LARP1B: variants seen among roughly 807,000 people sequenced by gnomAD.
The protein encoded by LARP1B is La ribonucleoprotein 1B.
In LARP1B, 76 loss-of-function variants were observed where a neutral mutation model predicts 114.2. That is an observed-to-expected ratio of 0.67 (90% CI 0.55 to 0.81). LARP1B has a LOEUF of 0.81. Ranked by LOEUF, LARP1B falls within the 30% of genes least tolerant of loss-of-function variation. The pLI is 0.00. For missense variants in LARP1B, 1,014 were observed against 1,075.8 expected, an observed-to-expected ratio of 0.94 and a Z score of 0.80; for synonymous variants, 345 against 348.0, an observed-to-expected ratio of 0.99 and a Z score of 0.10.
At chr4:128,158,796 A>G (rs2150400267) in intron 11 of LARP1B, among the ~76,000 whole-genome samples, 1 of 152,306 alleles carries the variant, frequency 6.6e-6, no homozygotes, top group Non-Finnish European at 1.5e-5. Flanking sequence ...AGTTGCAAAA[A>G]GTGTACAGAG....
intron 10 of LARP1B, among the ~76,000 whole-genome samples, chr4:128,116,629 T>C (rs1040274867): frequency 4.2e-4 from 64 of 152,314 alleles, no homozygotes; most frequent in South Asian, 2.1e-3. Flanking sequence ...GGTATTCTGA[T>C]GCTACAGACT....
At chr4:128,168,422 G>A (rs1231996660) in intron 12 of LARP1B, among the ~76,000 whole-genome samples, 2 of 151,870 alleles carry the variant, frequency 1.3e-5, no homozygotes, top group Admixed American at 6.6e-5. Context: ...CTTTTATTGA[G>A]TTGTTTCTTT....
chr4:128,172,802 A>C (rs777534091), intron 12 of LARP1B, among the ~76,000 whole-genome samples: 104 of 152,210 alleles, frequency 6.8e-4, no homozygotes, highest in Non-Finnish European at 1.2e-3. Flanking sequence ...AAGTTGTCCC[A>C]TACTTCACTA....
At position 128,122,438 on chromosome 4, in the gene LARP1B, G is replaced by GTTTTTTTTTTTTTTTTTTTTTTT. The variant is rs377102754; in HGVS notation, c.1524+265_1524+266insTTTTTTTTTTTTTTTTTTTTTTT. The GTTTTTTTTTTTTTTTTTTTTTTT allele has an allele frequency of 1.4e-5, 17 of 1,189,622 alleles. No individual in the cohort carries two copies. The African/African-American group carries it at 2.3e-4, about 16-fold the overall frequency. The allele number at this position is 1,189,622 out of a possible 1,614,324, so 73.7% of individuals were successfully genotyped here. ...TTAGTACTCACTGACTTATACCCTT[G>GTTTTTTTTTTTTTTTTTTTTTTT]TTTTTTTTTTTTTTTGTTTTGTTTT... is the stretch of plus-strand genomic sequence containing the variant. On this transcript the variant is annotated intron_variant, in intron 11 of 19. Transcript: ENST00000326639.
rs985321947 is a variant in LARP1B at position 128,067,571 on chromosome 4, A to G, written c.-78+6170A>G. The stretch of plus-strand genomic sequence containing the variant: ...ATTTTGATCATGTGTTGCTGTTTCT[A>G]GAAATCCAGATGAGGCACTCTTCAG... On this transcript the variant is annotated intron_variant, in intron 1 of 19. Coordinates refer to ENST00000326639, the MANE Select transcript of LARP1B (RefSeq NM_018078.4). 3.9e-5 allele frequency among the ~76,000 whole-genome samples: 6 copies of G among 152,160 alleles called. 1 individual carries two copies. In the South Asian group the frequency reaches 1.2e-3, roughly 32 times the overall value.
chr4:128,092,041 G>A (rs1776109524), intron 7 of LARP1B, among the ~76,000 whole-genome samples: 1 of 152,046 alleles, frequency 6.6e-6, no homozygotes, highest in South Asian at 2.1e-4. Flanking sequence ...AAGTCTCCTG[G>A]CTTCTATAGT....
intron 12 of LARP1B, among the ~76,000 whole-genome samples, chr4:128,173,281 T>C (rs1465492737): frequency 1.3e-5 from 2 of 152,166 alleles, no homozygotes. Flanking sequence ...GTTTTTATGC[T>C]ACAAAAGCAG....
At chr4:128,201,828 T>C (rs1371036434) in intron 17 of LARP1B, among the ~76,000 whole-genome samples, 1 of 152,090 alleles carries the variant, frequency 6.6e-6, no homozygotes, top group Non-Finnish European at 1.5e-5. Flanking sequence ...GAACAAGAGA[T>C]GGAGAGAAGG....
intron 11 of LARP1B, among the ~76,000 whole-genome samples, chr4:128,148,106 C>T (rs950814387): frequency 8.5e-5 from 13 of 152,088 alleles, no homozygotes; most frequent in African/African-American, 2.9e-4. Context: ...CAGTAAAATA[C>T]GTATCACTTT....
chr4:128,092,469 T>C (rs1275377329), intron 7 of LARP1B, among the ~76,000 whole-genome samples: 1 of 152,204 alleles, frequency 6.6e-6, no homozygotes, highest in Non-Finnish European at 1.5e-5. Flanking sequence ...ATAGGATATT[T>C]TGCTTATTTA....
chr4:128,177,890 T>C (rs1746887150), intron 13 of LARP1B, among the ~76,000 whole-genome samples: 1 of 152,028 alleles, frequency 6.6e-6, no homozygotes, highest in Admixed American at 6.6e-5. Flanking sequence ...CATTGTTGAT[T>C]AAACAAAAAA....
chr4:128,065,815 C>T lies in LARP1B; in HGVS notation c.-78+4414C>T, dbSNP rs149176764. Among the ~76,000 whole-genome samples, 87 of 152,092 alleles carry T rather than the reference C, an allele frequency of 5.7e-4. No homozygotes were observed. The East Asian group carries it at 0.016, about 28-fold the overall frequency. Reference sequence around the variant, plus strand: ...ATTATTTAATTCATTTAAATAAATACATTTTACATTAGTTTATTTAAATAG... The same window carrying T: ...ATTATTTAATTCATTTAAATAAATATATTTTACATTAGTTTATTTAAATAG... On this transcript the variant is annotated intron_variant, in intron 1 of 19. Coordinates refer to ENST00000326639, the MANE Select transcript of LARP1B (RefSeq NM_018078.4).
intron 12 of LARP1B, among the ~76,000 whole-genome samples, chr4:128,164,310 A>G (rs1240220472): frequency 6.6e-6 from 1 of 152,094 alleles, no homozygotes; most frequent in African/African-American, 2.4e-5. Context: ...AGTGTGTCCC[A>G]CTAGGGCTGT....
intron 11 of LARP1B, among the ~76,000 whole-genome samples, chr4:128,142,510 C>CTT (rs34035043): frequency 1.4e-5 from 2 of 141,032 alleles, no homozygotes; most frequent in Admixed American, 7.1e-5. Context: ...ATATTTCTTT[C>CTT]TTTTTTTTTT....
intron 17 of LARP1B, among the ~76,000 whole-genome samples, chr4:128,204,793 A>C (rs1190406229): frequency 9.2e-5 from 14 of 152,096 alleles, no homozygotes. Context: ...CTCACATTGC[A>C]TGCCTGTATC....
chr4:128,182,137 A>T, intron 15 of LARP1B, among the ~76,000 whole-genome samples: 1 of 115,396 alleles, frequency 8.7e-6, no homozygotes, highest in African/African-American at 3.2e-5. Flanking sequence ...TTTTTGAGAC[A>T]GAGTCTCACT....
At chr4:128,151,973 A>G (rs961397267) in intron 11 of LARP1B, among the ~76,000 whole-genome samples, 1 of 152,166 alleles carries the variant, frequency 6.6e-6, no homozygotes, top group African/African-American at 2.4e-5. Context: ...CTCCAGAGAC[A>G]TGTGATGTCA....
chr4:128,107,853 G>A, intron 9 of LARP1B: 1 of 1,477,450 alleles, frequency 6.8e-7, no homozygotes, highest in Non-Finnish European at 9.0e-7. Context: ...TTCCCTCTTG[G>A]GAAAAAATGT....
intron 12 of LARP1B, among the ~76,000 whole-genome samples, chr4:128,170,129 A>G (rs1231264884): frequency 6.6e-6 from 1 of 152,038 alleles, no homozygotes; most frequent in Non-Finnish European, 1.5e-5. Flanking sequence ...CCCCTCTGTT[A>G]TTAATCTTAT....
Sources: allele counts gnomAD v4.1 joint callset (sites outside exome capture counted in the v4.1 genomes callset), GRCh38; gene constraint gnomAD v4.1.1; transcripts MANE v1.5; gene names NCBI Gene and HGNC (gene_info 2026-07-23, HGNC 2026-07-21).